RBPMS: variants seen among roughly 807,000 people sequenced by gnomAD.
RBPMS encodes the protein RNA binding protein, mRNA processing factor, also known as RNA-binding protein with multiple splicing.
In RBPMS, 7 loss-of-function variants were observed where a neutral mutation model predicts 26.8. That is an observed-to-expected ratio of 0.26 (90% CI 0.15 to 0.49). The LOEUF (loss-of-function observed/expected upper bound fraction) is 0.49, where lower values mean the gene tolerates loss of function less well. Among genes scored for constraint, RBPMS ranks in the 20% least tolerant of loss-of-function variants. The pLI is 0.98. For synonymous variants in RBPMS, 96 were observed against 93.3 expected, an observed-to-expected ratio of 1.03 and a Z score of -0.17; for missense variants, 186 against 250.0, an observed-to-expected ratio of 0.74 and a Z score of 1.73.
chr8:30,531,857 G>A (rs890557283), intron 5 of RBPMS, among the ~76,000 whole-genome samples: 2 of 152,216 alleles, frequency 1.3e-5, no homozygotes, highest in Non-Finnish European at 2.9e-5. Context: ...GAGGTACATG[G>A]ACACCTGGAG....
At chr8:30,537,502 G>A (rs1824919596) in intron 5 of RBPMS, 1 of 454,846 alleles carries the variant, frequency 2.2e-6, no homozygotes, top group South Asian at 1.6e-5. Context: ...CCGCATTTGG[G>A]TAATAGAAGT....
intron 1 of RBPMS, among the ~76,000 whole-genome samples, chr8:30,420,850 T>C (rs1810692288): frequency 6.6e-6 from 1 of 152,174 alleles, no homozygotes; most frequent in African/African-American, 2.4e-5. Context: ...AGTTCAGAGT[T>C]GAAGGGTCAT....
intron 1 of RBPMS, among the ~76,000 whole-genome samples, chr8:30,408,631 C>G (rs755740548): frequency 6.6e-6 from 1 of 152,196 alleles, no homozygotes; most frequent in Non-Finnish European, 1.5e-5. Context: ...TGAAAGTGTT[C>G]TGAAGACAGT....
At chr8:30,455,203 T>C (rs1465539372) in intron 1 of RBPMS, among the ~76,000 whole-genome samples, 3 of 152,314 alleles carry the variant, frequency 2.0e-5, no homozygotes, top group East Asian at 3.9e-4. Context: ...AGTCTTTTCC[T>C]CTTAAAACTA....
intron 1 of RBPMS, among the ~76,000 whole-genome samples, chr8:30,448,870 T>G (rs1428435276): frequency 6.6e-6 from 1 of 152,262 alleles, no homozygotes; most frequent in African/African-American, 2.4e-5. Flanking sequence ...ATACTCTTCA[T>G]TTCTTTTCTA....
At chr8:30,464,943 A>G (rs1422237016) in intron 1 of RBPMS, among the ~76,000 whole-genome samples, 1 of 152,232 alleles carries the variant, frequency 6.6e-6, no homozygotes, top group Non-Finnish European at 1.5e-5. Flanking sequence ...TTATGTTCAT[A>G]ATACATTGGA....
At chr8:30,549,573 G>A (rs1826130382) in intron 6 of RBPMS, 1 of 1,613,980 alleles carries the variant, frequency 6.2e-7, no homozygotes. Flanking sequence ...AGCCTGGCCT[G>A]GTTTCCTGTT....
At chr8:30,456,794 G>A (rs534063381) in intron 1 of RBPMS, among the ~76,000 whole-genome samples, 7 of 152,208 alleles carry the variant, frequency 4.6e-5, no homozygotes, top group East Asian at 3.9e-4. Context: ...GGTGGCGTGC[G>A]CCTGTAGTCC....
chr8:30,530,888 A>T (rs1824148856), intron 5 of RBPMS, among the ~76,000 whole-genome samples: 1 of 152,146 alleles, frequency 6.6e-6, no homozygotes, highest in Non-Finnish European at 1.5e-5. Context: ...GGTCACATAG[A>T]TGGTAAGTGA....
chr8:30,425,437 G>A (rs974979186), intron 1 of RBPMS, among the ~76,000 whole-genome samples: 2 of 151,414 alleles, frequency 1.3e-5, no homozygotes, highest in African/African-American at 2.4e-5. Flanking sequence ...TTTCGCTCTT[G>A]TTGCCCAGGC....
chr8:30,558,240 G>A (rs1405093637), intron 6 of RBPMS: 2 of 152,822 alleles, frequency 1.3e-5, no homozygotes, highest in Non-Finnish European at 2.9e-5. Flanking sequence ...ATGCACCTGT[G>A]TTTGCGGCTG....
chr8:30,558,551 C>G, intron 6 of RBPMS: 1 of 438,450 alleles, frequency 2.3e-6, no homozygotes, highest in East Asian at 4.7e-5. Context: ...CAGCCTAGGC[C>G]TGGGAAAAGG....
At position 30,425,628 on chromosome 8, in the gene RBPMS, G is replaced by A. The variant is rs550023133; in HGVS notation, c.66+40470G>A. On this transcript the variant is annotated intron_variant, in intron 1 of 8. Transcript: ENST00000397323. Reference sequence around the variant, plus strand: ...TTGGCCAGGCTGGTCTCGAACTCCCGACCTCAGGCAATCTGCCCACCTCGG... The same window carrying A: ...TTGGCCAGGCTGGTCTCGAACTCCCAACCTCAGGCAATCTGCCCACCTCGG... Among the ~76,000 whole-genome samples, 98 of 152,066 alleles carry A rather than the reference G, an allele frequency of 6.4e-4. No homozygotes were observed. The East Asian group carries it at 0.011, about 18-fold the overall frequency.
intron 1 of RBPMS, among the ~76,000 whole-genome samples, chr8:30,432,185 A>G (rs1812017246): frequency 6.6e-6 from 1 of 152,168 alleles, no homozygotes; most frequent in Non-Finnish European, 1.5e-5. Flanking sequence ...TTTTGAACCA[A>G]CCAATCTCTT....
intron 1 of RBPMS, among the ~76,000 whole-genome samples, chr8:30,413,726 GC>G (rs1242414792): frequency 6.6e-6 from 1 of 152,030 alleles, no homozygotes. Flanking sequence ...CAATTCTCCT[GC>G]CTCAGCCTCC....
chr8:30,496,438 G>A (rs1819968601), intron 4 of RBPMS, among the ~76,000 whole-genome samples: 1 of 152,080 alleles, frequency 6.6e-6, no homozygotes, highest in Non-Finnish European at 1.5e-5. Flanking sequence ...AAAGTGGTGG[G>A]ATTACAGGCG....
chr8:30,426,782 T>C (rs969502216), intron 1 of RBPMS, among the ~76,000 whole-genome samples: 4 of 151,882 alleles, frequency 2.6e-5, no homozygotes, highest in African/African-American at 9.7e-5. Context: ...TGATTGTTCA[T>C]GTTTTGGGGG....
chr8:30,437,526 C>T (rs546038603), intron 1 of RBPMS, among the ~76,000 whole-genome samples: 2 of 152,098 alleles, frequency 1.3e-5, no homozygotes, highest in South Asian at 2.1e-4. Flanking sequence ...CTTGGTGGCT[C>T]ATGCCTGTAA....
At chr8:30,552,085 C>G (rs1338095277) in intron 6 of RBPMS, among the ~76,000 whole-genome samples, 1 of 152,122 alleles carries the variant, frequency 6.6e-6, no homozygotes, top group Non-Finnish European at 1.5e-5. Flanking sequence ...ATAAGAGAAA[C>G]CTAAGGGCCT....
Sources: allele counts gnomAD v4.1 joint callset (sites outside exome capture counted in the v4.1 genomes callset), GRCh38; gene constraint gnomAD v4.1.1; transcripts MANE v1.5; gene names NCBI Gene and HGNC (gene_info 2026-07-23, HGNC 2026-07-21).